STX1A: variants seen among roughly 807,000 people sequenced by gnomAD.
The protein encoded by STX1A is syntaxin 1A.
STX1A carries 4 observed loss-of-function variants against 37.8 expected under a neutral mutation model. The ratio of observed to expected loss-of-function variants is 0.11; its 90% CI spans 0.05 to 0.24. The LOEUF is 0.24. Among genes scored for constraint, STX1A ranks in the 10% least tolerant of loss-of-function variants. The pLI, the probability that STX1A is intolerant of heterozygous loss-of-function variation, is 1.00. For missense variants in STX1A, 251 were observed against 399.9 expected, an observed-to-expected ratio of 0.63 and a Z score of 3.18; for synonymous variants, 135 against 147.4, an observed-to-expected ratio of 0.92 and a Z score of 0.61.
In STX1A at chr7:73,700,528, G is replaced by A; in HGVS notation, c.790-44C>T. The A allele has an allele frequency of 6.2e-7, 1 of 1,606,084 alleles. No individual in the cohort carries two copies. Among genetic ancestry groups the A allele is most frequent in the Non-Finnish European group, 8.5e-7 (1 of 1,175,560 alleles). ...GGAGAGGCCTCAGACAGTGTTGGCG[G>A]CAGGTGGGGTGGGACTATGGCAAAG... On this transcript the variant is annotated intron_variant, in intron 9 of 9. Transcript: ENST00000222812. This position sits in a 1 kb window ranked among gnomAD's most constrained non-coding sequence, Gnocchi z 4.4.
At chr7:73,703,049 G>GT in intron 7 of STX1A, 67 bp from the exon 8 acceptor site, 1 of 1,093,000 alleles carries the variant, frequency 9.1e-7, no homozygotes. Context: ...GGCCGAGGGG[G>GT]AGGGCGTTTG....
At chr7:73,712,740 G>C (rs1799148512) in intron 1 of STX1A, among the ~76,000 whole-genome samples, 1 of 152,136 alleles carries the variant, frequency 6.6e-6, no homozygotes, top group African/African-American at 2.4e-5. Flanking sequence ...CCCTCTCCCT[G>C]GGGTACCCCT....
Position 73,700,398 on chromosome 7 carries a change from G to C in STX1A, c.*9C>G. ...CCCACCTGGAGTGGAGTGGCAGTTTGGGTGGCTTCTAGGCGAAGATGCCCC... is the reference window on the plus strand; with the variant it reads ...CCCACCTGGAGTGGAGTGGCAGTTTCGGTGGCTTCTAGGCGAAGATGCCCC... On this transcript the variant is annotated 3_prime_UTR_variant, in exon 10 of 10. Coordinates refer to ENST00000222812, the MANE Select transcript of STX1A (RefSeq NM_004603.4). This position sits in a 1 kb window ranked among gnomAD's most constrained non-coding sequence, Gnocchi z 4.4. 6.2e-7 allele frequency: 1 copy of C among 1,613,960 alleles called. No homozygotes were observed. The highest frequency in any genetic ancestry group is 8.5e-7 in the Non-Finnish European group (1 of 1,179,888).
chr7:73,704,710 T>G (rs1798808332), intron 4 of STX1A: 1 of 538,548 alleles, frequency 1.9e-6, no homozygotes, highest in Admixed American at 3.1e-5. Context: ...ACTCCTTTTC[T>G]GCTCAGAAAG....
At chr7:73,718,280 G>A (rs1554619027) in intron 1 of STX1A, among the ~76,000 whole-genome samples, 1 of 152,160 alleles carries the variant, frequency 6.6e-6, no homozygotes, top group African/African-American at 2.4e-5. Context: ...AGGTCTGGAG[G>A]CAAAGTGGAG....
rs1554615761 is a variant in STX1A, at chr7:73,700,856, C to A, written c.679-16G>T. Reference sequence around the variant, plus strand: ...TCATCTCTCCCTGCGGGGCCGGGGGCACCCGAGCTCCAGAGGGCCCCCTCC... The same window carrying A: ...TCATCTCTCCCTGCGGGGCCGGGGGAACCCGAGCTCCAGAGGGCCCCCTCC... On this transcript the variant is annotated splice_polypyrimidine_tract_variant and intron_variant, in intron 8 of 9. Transcript: ENST00000222812. The surrounding 1 kb of genome is among the most constrained non-coding windows in gnomAD (Gnocchi z 4.4). 6.2e-7 allele frequency: 1 copy of A among 1,612,078 alleles called. No individual in the cohort carries two copies. Among genetic ancestry groups the A allele is most frequent in the Non-Finnish European group, 8.5e-7 (1 of 1,179,932 alleles).
At chr7:73,710,676 C>T (rs1347297717) in intron 1 of STX1A, among the ~76,000 whole-genome samples, 3 of 152,212 alleles carry the variant, frequency 2.0e-5, no homozygotes, top group East Asian at 1.9e-4. Flanking sequence ...CCACCCGCCT[C>T]GGCCTCCCAA....
In STX1A at chr7:73,705,402, G is replaced by A; in HGVS notation, c.209-178C>T. 4 of 598,172 alleles carry A rather than the reference G, an allele frequency of 6.7e-6. No individual in the cohort carries two copies. In the South Asian group the frequency reaches 7.8e-5, roughly 12 times the overall value. The allele number at this position is 598,172 out of a possible 1,614,324, so 37.1% of individuals were successfully genotyped here. A position where few individuals can be genotyped will look rare whatever the true frequency, so the allele number is the denominator to read the frequency against. Reference sequence around the variant, plus strand: ...CCTCCCCCAATTCTGGGCCAGGGCTGCACCAGCTGCAGCTTCACCCCCTCT... The same window carrying A: ...CCTCCCCCAATTCTGGGCCAGGGCTACACCAGCTGCAGCTTCACCCCCTCT... On this transcript the variant is annotated intron_variant, in intron 3 of 9. Transcript: ENST00000222812. The surrounding 1 kb of genome is among the most constrained non-coding windows in gnomAD (Gnocchi z 5.2).
chr7:73,718,258 G>C (rs1799361334), intron 1 of STX1A, among the ~76,000 whole-genome samples: 1 of 152,140 alleles, frequency 6.6e-6, no homozygotes, highest in Non-Finnish European at 1.5e-5. Flanking sequence ...TGGGCGCTCG[G>C]CCAGGAATAA....
At chr7:73,708,750 G>T in intron 2 of STX1A, 62 bp from the exon 3 acceptor site, 1 of 1,547,762 alleles carries the variant, frequency 6.5e-7, no homozygotes, top group Non-Finnish European at 8.8e-7. Context: ...CTGGGGCCCA[G>T]AGATGGCCCA....
At chr7:73,701,382 C>T (rs1461553165) in intron 8 of STX1A, among the ~76,000 whole-genome samples, 2 of 152,020 alleles carry the variant, frequency 1.3e-5, no homozygotes, top group Admixed American at 6.5e-5. Flanking sequence ...ATTAGCTGGG[C>T]GTGGTGGCGA....
chr7:73,715,385 G>C (rs1465352659), intron 1 of STX1A, among the ~76,000 whole-genome samples: 1 of 151,922 alleles, frequency 6.6e-6, no homozygotes, highest in African/African-American at 2.4e-5. Context: ...TGGCACCATT[G>C]CACTCCAGCC....
chr7:73,708,616 T>C lies in STX1A; in HGVS notation c.181A>G (p.Ile61Val), dbSNP rs782151306. 1 of 1,614,146 alleles carries C rather than the reference T, an allele frequency of 6.2e-7. No individual in the cohort carries two copies. ...VEEVKRKHSAILASPNPDEKT... is the reference protein window; with the variant it reads ...VEEVKRKHSAVLASPNPDEKT... ...TCATCGGGGTTGGGGGATGCCAGGA[T>C]GGCACTGTGCTTCCGCTTCACCTCC... The change falls in exon 3 of 10, where the codon ATC (isoleucine) becomes GTC (valine). Residue 61 changes from isoleucine to valine, a missense_variant. By Grantham distance (29) the Ile-to-Val change is conservative. This residue lies in a region of STX1A where 214 missense variants were observed against 367.6 expected (regional missense o/e 0.58). Coordinates refer to ENST00000222812, the MANE Select transcript of STX1A (RefSeq NM_004603.4).
rs569509198 is a variant in STX1A at position 73,700,901 on chromosome 7, C to T, written c.679-61G>A. The T allele has an allele frequency of 2.9e-5, 47 of 1,601,522 alleles. No homozygotes were observed. Among genetic ancestry groups the T allele is most frequent in the South Asian group, 2.1e-4 (19 of 90,648 alleles). On this transcript the variant is annotated intron_variant, in intron 8 of 9. Coordinates refer to ENST00000222812, the MANE Select transcript of STX1A (RefSeq NM_004603.4). The surrounding 1 kb of genome is among the most constrained non-coding windows in gnomAD (Gnocchi z 4.4). ...CCCTCCTCAGGGTTGGGTTGGGGCT[C>T]GGGGCAGGACTTCAGGAAAGCACCC...
Position 73,702,733 on chromosome 7 carries a change from A to G in STX1A, c.678+112T>C, listed in dbSNP as rs1554616069. The G allele has an allele frequency of 6.4e-7, 1 of 1,573,960 alleles. No individual in the cohort carries two copies. Among genetic ancestry groups the G allele is most frequent in the Admixed American group, 1.8e-5 (1 of 57,084 alleles). Reference sequence around the variant, plus strand: ...TCAACAGCGGGTGATTGGTTACCTGAGAACTTGGTCCCTCCCCGGCAGGGC... The same window carrying G: ...TCAACAGCGGGTGATTGGTTACCTGGGAACTTGGTCCCTCCCCGGCAGGGC... On this transcript the variant is annotated intron_variant, in intron 8 of 9. Transcript: ENST00000222812. This position sits in a 1 kb window ranked among gnomAD's most constrained non-coding sequence, Gnocchi z 4.7.
chr7:73,714,244 G>A (rs1799204896), intron 1 of STX1A, among the ~76,000 whole-genome samples: 1 of 151,946 alleles, frequency 6.6e-6, no homozygotes, highest in South Asian at 2.1e-4. Context: ...GAGTAGCTGG[G>A]ATTACAGGCA....
chr7:73,699,974 G>C lies in STX1A; in HGVS notation c.*433C>G. 4.5e-6 allele frequency: 1 copy of C among 222,568 alleles called. No homozygotes were observed. Among genetic ancestry groups the C allele is most frequent in the Non-Finnish European group, 9.1e-6 (1 of 110,300 alleles). 13.8% of individuals were successfully genotyped at this position (222,568 alleles called of 1,614,324 possible). A position where few individuals can be genotyped will look rare whatever the true frequency, so the allele number is the denominator to read the frequency against. On this transcript the variant is annotated 3_prime_UTR_variant, in exon 10 of 10. Transcript: ENST00000222812. ...CTAACCTGAAAAGCAGCACCATGTG[G>C]CCAGCTGGTCCCCACCCCTCAGGGC...
In STX1A at chr7:73,699,412, C is replaced by G. The variant is rs989989757; in HGVS notation, c.*995G>C. The G allele has an allele frequency of 6.6e-6, 1 of 152,618 alleles. No homozygotes were observed. Among genetic ancestry groups the G allele is most frequent in the Non-Finnish European group, 1.5e-5 (1 of 68,048 alleles). 9.5% of individuals were successfully genotyped at this position (152,618 alleles called of 1,614,324 possible). A position where few individuals can be genotyped will look rare whatever the true frequency, so the allele number is the denominator to read the frequency against. The stretch of plus-strand genomic sequence containing the variant: ...ATCCCCTGCTGCATGCACTCGCATG[C>G]ATCTCCCTGCCTGTCCACAAGGGAG... On this transcript the variant is annotated 3_prime_UTR_variant, in exon 10 of 10. Transcript: ENST00000222812.
intron 1 of STX1A, among the ~76,000 whole-genome samples, chr7:73,711,971 C>T (rs1344716738): frequency 6.6e-6 from 1 of 152,068 alleles, no homozygotes; most frequent in East Asian, 1.9e-4. Flanking sequence ...AAGGCTGGAC[C>T]AGGAAGCTTC....
Sources: gnomAD v4.1 joint callset for allele counts (sites outside exome capture counted in the v4.1 genomes callset) on GRCh38, gnomAD v4.1.1 for gene constraint, gnomAD v4.1.1 regional missense constraint, Gnocchi (gnomAD v3.1) non-coding constraint, MANE v1.5 for transcripts, NCBI Gene and HGNC (gene_info 2026-07-23, HGNC 2026-07-21) for gene names.